The following EDRF1 variants were observed in gnomAD, a reference collection of about 807,000 sequenced individuals.
EDRF1 encodes erythroid differentiation regulatory factor 1, also known as erythroid differentiation-related factor 1.
In EDRF1, 69 loss-of-function variants were observed where a neutral mutation model predicts 148.7. The observed-to-expected ratio is 0.46, with a 90% CI of 0.38 to 0.57. The LOEUF (loss-of-function observed/expected upper bound fraction) is 0.57. Ranked by LOEUF, EDRF1 falls within the 20% of genes least tolerant of loss-of-function variation. The pLI, the probability that EDRF1 is intolerant of heterozygous loss-of-function variation, is 0.00. For synonymous variants in EDRF1, 515 were observed against 532.8 expected (o/e 0.97, Z 0.46); for missense variants, 1,118 against 1,478.7 (o/e 0.76, Z 4.00).
chr10:125,745,981 A>C (rs778137763), intron 19 of EDRF1, 51 bp downstream of exon 19: 10 of 1,569,570 alleles, frequency 6.4e-6, no homozygotes, highest in Non-Finnish European at 8.8e-6. Flanking sequence ...CCTGTCATTT[A>C]TTTACATTTT....
intron 5 of EDRF1, 82 bp from the exon 6 acceptor site, chr10:125,725,600 T>C: frequency 1.3e-6 from 2 of 1,584,224 alleles, no homozygotes; most frequent in South Asian, 2.2e-5. Context: ...TAATTACAGA[T>C]TGTAGTTTTT....
rs770381247 is a variant in EDRF1, at chr10:125,738,033, T to A, written c.1830+44T>A. On this transcript the variant is annotated intron_variant, in intron 14 of 24. Transcript: ENST00000356792. Reference sequence around the variant, plus strand: ...TTCACTTTTTTCGTAAAGTTTGTACTTGATTATGCAAATTACACTTGTTTG... The same window carrying A: ...TTCACTTTTTTCGTAAAGTTTGTACATGATTATGCAAATTACACTTGTTTG... 1.9e-6 allele frequency: 3 copies of A among 1,562,020 alleles called. No homozygotes were observed. In the South Asian group the frequency reaches 3.3e-5, roughly 17 times the overall value.
Position 125,729,058 on chromosome 10 carries a change from A to G in EDRF1, c.848A>G (p.Lys283Arg). 1 of 1,581,468 alleles carries G rather than the reference A, an allele frequency of 6.3e-7. No individual in the cohort carries two copies. ...GTGGGGCATGTGGCCTCAGCCCCCA[A>G]AGAACAAAACCTGATTACTTTATTC... Reference protein sequence around the residue: ...YIVGHVASAPKEQNLITLFND... With the variant: ...YIVGHVASAPREQNLITLFND... The change falls in exon 7 of 25, where the codon AAA (lysine) becomes AGA (arginine). Residue 283 changes from lysine to arginine, a missense_variant. By Grantham distance (26) the Lys-to-Arg change is conservative. Coordinates refer to ENST00000356792, the MANE Select transcript of EDRF1 (RefSeq NM_001202438.2).
rs376901208 is a variant in EDRF1, at chr10:125,749,178, C to T, written c.3124-234C>T. On this transcript the variant is annotated intron_variant, in intron 21 of 24. Coordinates refer to ENST00000356792, the MANE Select transcript of EDRF1 (RefSeq NM_001202438.2). ...AGGGGAATTGCTTGAGTTCAGGAGG[C>T]GGAGGTTGCAGTGAGCCAGGATTGC... is the stretch of plus-strand genomic sequence containing the variant. 1,916 of 499,878 alleles carry T rather than the reference C, an allele frequency of 3.8e-3. 36 individuals carry two copies. The highest frequency in any genetic ancestry group is 0.028 in the South Asian group (1,312 of 46,814). The allele number at this position is 499,878 out of a possible 1,614,324, so 31.0% of individuals were successfully genotyped here.
At chr10:125,727,330 A>G (rs894644555) in intron 6 of EDRF1, among the ~76,000 whole-genome samples, 1 of 152,220 alleles carries the variant, frequency 6.6e-6, no homozygotes, top group African/African-American at 2.4e-5. Context: ...CTTAAATTTC[A>G]GCTTTAGAGA....
rs576512320 is a variant in EDRF1 at position 125,724,556 on chromosome 10, T to C, written c.510+620T>C. 4.6e-5 allele frequency among the ~76,000 whole-genome samples: 7 copies of C among 152,348 alleles called. No individual in the cohort carries two copies. The South Asian group carries it at 1.2e-3, about 27-fold the overall frequency. On this transcript the variant is annotated intron_variant, in intron 4 of 24. Transcript: ENST00000356792. ...GGTTTCTATAAGTAACACTCTGCGATGTTCACACCAGGACAAAATCACCTA... is the reference window on the plus strand; with the variant it reads ...GGTTTCTATAAGTAACACTCTGCGACGTTCACACCAGGACAAAATCACCTA...
chr10:125,740,379 A>G, intron 15 of EDRF1, 84 bp from the exon 16 acceptor site: 2 of 1,374,946 alleles, frequency 1.5e-6, no homozygotes, highest in Non-Finnish European at 2.0e-6. Flanking sequence ...GAGTGTTTCC[A>G]TCAAGAAACA....
intron 9 of EDRF1, among the ~76,000 whole-genome samples, chr10:125,730,959 C>T (rs1005459095): frequency 2.6e-5 from 4 of 152,020 alleles, no homozygotes; most frequent in Admixed American, 1.3e-4. Flanking sequence ...ACCTGGGCAA[C>T]GTAGTGAGAC....
chr10:125,745,816 C>A lies in EDRF1; in HGVS notation c.2700C>A (p.Ala900=), dbSNP rs1589855129. The part of the protein sequence containing the change: ...FESIEDATNA[A]LLLCNTGRLM... ...CAATTGAGGATGCCACCAATGCCGC[C>A]CTTTTATTATGTAACACGGGAAGGC... The change falls in exon 19 of 25, where the codon GCC becomes GCA. Residue 900 remains alanine, a synonymous_variant. Transcript: ENST00000356792. The A allele has an allele frequency of 6.2e-7, 1 of 1,614,200 alleles. No individual in the cohort carries two copies. Among genetic ancestry groups the A allele is most frequent in the African/African-American group, 1.3e-5 (1 of 75,046 alleles).
chr10:125,722,941 T>C (rs977423371), intron 2 of EDRF1, 127 bp from the exon 3 acceptor site: 1 of 856,322 alleles, frequency 1.2e-6, no homozygotes, highest in Admixed American at 1.7e-5. Context: ...CACATCCTGG[T>C]TTCAGAGTTG....
chr10:125,763,887 C>A lies in EDRF1; in HGVS notation c.*415C>A, dbSNP rs1025932582. 2 of 232,292 alleles carry A rather than the reference C, an allele frequency of 8.6e-6. No homozygotes were observed. The highest frequency in any genetic ancestry group is 1.7e-5 in the Non-Finnish European group (2 of 115,584). 14.4% of individuals were successfully genotyped at this position (232,292 alleles called of 1,614,324 possible). ...AGGTTCAAGTGGGTTAAGGAGACCT[C>A]CTGTACATCTACAGTGTTTCCTTTT... On this transcript the variant is annotated 3_prime_UTR_variant, in exon 25 of 25. Transcript: ENST00000356792. This position sits in a 1 kb window ranked among gnomAD's most constrained non-coding sequence, Gnocchi z 4.3.
At chr10:125,722,504 T>A (rs1848056496) in intron 2 of EDRF1, among the ~76,000 whole-genome samples, 1 of 152,210 alleles carries the variant, frequency 6.6e-6, no homozygotes, top group Non-Finnish European at 1.5e-5. Flanking sequence ...CCTTTCAGGC[T>A]TATAGACTAT....
At position 125,735,788 on chromosome 10, in the gene EDRF1, A is replaced by G. The variant is rs775542697; in HGVS notation, c.1642A>G (p.Asn548Asp). 1.9e-6 allele frequency: 3 copies of G among 1,613,896 alleles called. No individual in the cohort carries two copies. In the Admixed American group the frequency reaches 5.0e-5, roughly 27 times the overall value. Residue 548 changes from asparagine (N) to aspartate (D), a missense_variant, in exon 13 of 25, where the codon AAT becomes GAT. Around this residue, in one of 3 missense-constraint regions of EDRF1, gnomAD observed 954 missense variants for 1,241.4 expected, o/e 0.77. Coordinates refer to ENST00000356792, the MANE Select transcript of EDRF1 (RefSeq NM_001202438.2). ...GGAAGAGATGCCCGACAGTGATGAAAATGGATCCTATAGCACCAGCTCTGA... is the reference window on the plus strand; with the variant it reads ...GGAAGAGATGCCCGACAGTGATGAAGATGGATCCTATAGCACCAGCTCTGA... ...EEEEMPDSDE[N>D]GSYSTSSDPS...
chr10:125,742,686 G>C, intron 17 of EDRF1: 1 of 984,920 alleles, frequency 1.0e-6, no homozygotes, highest in Non-Finnish European at 1.2e-6. Flanking sequence ...GTGACTTAAA[G>C]TTAATATTGG....
intron 22 of EDRF1, among the ~76,000 whole-genome samples, chr10:125,751,532 TC>T (rs1849642114): frequency 6.6e-6 from 1 of 151,786 alleles, no homozygotes; most frequent in African/African-American, 2.4e-5. Flanking sequence ...AGATGCCAAA[TC>T]TATGCTGAAA....
rs2133684652 is a variant in EDRF1 at position 125,729,267 on chromosome 10, T to G, written c.895-91T>G. 7 of 1,543,030 alleles carry G rather than the reference T, an allele frequency of 4.5e-6. No individual in the cohort carries two copies. The South Asian group carries it at 8.0e-5, about 18-fold the overall frequency. On this transcript the variant is annotated intron_variant, in intron 7 of 24. Coordinates refer to ENST00000356792, the MANE Select transcript of EDRF1 (RefSeq NM_001202438.2). ...GCTCTGGGGCCTGACTTTGTCTTCT[T>G]TGTCTCTTCCTTTTTCTAGTCTTTT...
chr10:125,719,775 C>T lies in EDRF1; in HGVS notation c.-33C>T, dbSNP rs764327323. 4.5e-6 allele frequency: 7 copies of T among 1,572,612 alleles called. No individual in the cohort carries two copies. The South Asian group carries it at 4.5e-5, about 10-fold the overall frequency. ...GCGTTGCTGCTGCTGCTCCTCCGCT[C>T]CCCCGTCGTATCGCCTGCCCTGGAT... On this transcript the variant is annotated 5_prime_UTR_variant, in exon 1 of 25. Transcript: ENST00000356792.
chr10:125,731,921 C>T (rs1372967438), intron 9 of EDRF1: 1 of 451,560 alleles, frequency 2.2e-6, no homozygotes, highest in Admixed American at 2.4e-5. Context: ...GATCAAGGAG[C>T]TCAAGTGAGT....
chr10:125,741,293 TAG>T, intron 17 of EDRF1, 92 bp downstream of exon 17: 1 of 1,141,404 alleles, frequency 8.8e-7, no homozygotes, highest in Non-Finnish European at 1.3e-6. Context: ...GTAGAAATAT[TAG>T]AGTTTTGATA....
Sources: allele counts gnomAD v4.1 joint callset (sites outside exome capture counted in the v4.1 genomes callset), GRCh38; gene constraint gnomAD v4.1.1; regional missense constraint gnomAD v4.1.1; non-coding constraint Gnocchi (gnomAD v3.1); transcripts MANE v1.5; gene names NCBI Gene and HGNC (gene_info 2026-07-23, HGNC 2026-07-21).